Variants in PHF21A observed in about 807,000 individuals in gnomAD.
The protein encoded by PHF21A is BHC80a.
In PHF21A, 11 loss-of-function variants were observed where a neutral mutation model predicts 82.5. The observed-to-expected ratio is 0.13, with a 90% CI of 0.08 to 0.22. The LOEUF (loss-of-function observed/expected upper bound fraction) is 0.22, where lower values mean the gene tolerates loss of function less well. Ranked by LOEUF, PHF21A falls within the 10% of genes least tolerant of loss-of-function variation. PHF21A has a pLI of 1.00. For missense variants in PHF21A, 579 were observed against 837.8 expected, an observed-to-expected ratio of 0.69 and a Z score of 3.81; for synonymous variants, 297 against 302.8, an observed-to-expected ratio of 0.98 and a Z score of 0.20.
At chr11:45,986,110 G>A (rs200215482) in intron 6 of PHF21A, among the ~76,000 whole-genome samples, 1 of 10,764 alleles carries the variant, frequency 9.3e-5, no homozygotes, top group Non-Finnish European at 2.8e-4. Flanking sequence ...CACACACACA[G>A]AGGTATTTAC....
At chr11:45,973,762 C>T (rs1217543875) in intron 7 of PHF21A, among the ~76,000 whole-genome samples, 1 of 152,196 alleles carries the variant, frequency 6.6e-6, no homozygotes, top group Admixed American at 6.5e-5. Flanking sequence ...ATTTAAAGAA[C>T]TTCTGAAGTG....
chr11:45,956,762 A>C (rs1488390002), intron 10 of PHF21A, among the ~76,000 whole-genome samples: 1 of 152,178 alleles, frequency 6.6e-6, no homozygotes, highest in Non-Finnish European at 1.5e-5. Flanking sequence ...GAAATGAAGA[A>C]CAAAAAACGT....
chr11:46,030,952 T>C (rs1055553470), intron 6 of PHF21A, among the ~76,000 whole-genome samples: 2 of 152,006 alleles, frequency 1.3e-5, no homozygotes, highest in African/African-American at 4.8e-5. Flanking sequence ...GTAGCATCTA[T>C]CAATATTTGC....
At position 45,968,775 on chromosome 11, in the gene PHF21A, C is replaced by A. The variant is rs146235374; in HGVS notation, c.702+1040G>T. On this transcript the variant is annotated intron_variant, in intron 9 of 18. Coordinates refer to ENST00000676320, the MANE Select transcript of PHF21A (RefSeq NM_001352027.3). The stretch of plus-strand genomic sequence containing the variant: ...CAAAACCCCGTCTCTACTAAAAATA[C>A]AAAAATTAGCCGGGCGTGGTGGCAC... 1.3e-3 allele frequency among the ~76,000 whole-genome samples: 202 copies of A among 151,662 alleles called. 1 individual carries two copies. The highest frequency in any genetic ancestry group is 4.5e-3 in the African/African-American group (188 of 41,348).
At position 45,960,047 on chromosome 11, in the gene PHF21A, C is replaced by T. The variant is rs552923537; in HGVS notation, c.996+5268G>A. 3.3e-5 allele frequency among the ~76,000 whole-genome samples: 5 copies of T among 152,252 alleles called. No homozygotes were observed. The South Asian group carries it at 8.3e-4, about 25-fold the overall frequency. ...GAAAGTAATAGGTGTGGTAAGGATG[C>T]GGAGACAATGGAATGCTCATGTACT... On this transcript the variant is annotated intron_variant, in intron 10 of 18. Coordinates refer to ENST00000676320, the MANE Select transcript of PHF21A (RefSeq NM_001352027.3).
intron 12 of PHF21A, among the ~76,000 whole-genome samples, chr11:45,949,723 A>T (rs1465259478): frequency 1.3e-5 from 2 of 152,174 alleles, no homozygotes; most frequent in Non-Finnish European, 2.9e-5. Context: ...ACAATAGACA[A>T]CACTTGTAAA....
chr11:46,036,591 G>A (rs2096008990), intron 6 of PHF21A, among the ~76,000 whole-genome samples: 1 of 152,136 alleles, frequency 6.6e-6, no homozygotes. Flanking sequence ...ATGTCCCTAA[G>A]TAAAAGTAAA....
At chr11:46,074,178 AT>A (rs1329443553) in intron 6 of PHF21A, among the ~76,000 whole-genome samples, 1 of 152,090 alleles carries the variant, frequency 6.6e-6, no homozygotes, top group Admixed American at 6.5e-5. Context: ...AGAAGAGAAT[AT>A]ATGAGTCCAT....
chr11:46,096,421 C>T (rs1593169752), intron 1 of PHF21A, among the ~76,000 whole-genome samples: 2 of 152,258 alleles, frequency 1.3e-5, no homozygotes, highest in East Asian at 3.9e-4. Context: ...CTCTATTGAA[C>T]ACAACCCATT....
intron 9 of PHF21A, 27 bp from the exon 10 acceptor site, chr11:45,965,635 T>G (rs761967160): frequency 3.7e-5 from 56 of 1,502,508 alleles, no homozygotes; most frequent in Non-Finnish European, 4.6e-5. Context: ...GAATAATTAT[T>G]GTATTACTTA....
Position 45,936,552 on chromosome 11 carries a change from T to C in PHF21A, c.1626A>G (p.Glu542=). 6.2e-7 allele frequency: 1 copy of C among 1,612,266 alleles called. No individual in the cohort carries two copies. Among genetic ancestry groups the C allele is most frequent in the African/African-American group, 1.3e-5 (1 of 75,000 alleles). Residue 542 remains glutamate, a synonymous_variant, in exon 17 of 19, where the codon GAA becomes GAG. Transcript: ENST00000676320. ...CTAAAGTTCCAGGCCATGGAATTGC[T>C]TCTTCCTTCTTCAGCATCTGAAAAG... is the stretch of plus-strand genomic sequence containing the variant. The part of the protein sequence containing the change: ...RCQDQMLKKE[E]AIPWPGTLAI...
chr11:45,968,786 C>T (rs532792105), intron 9 of PHF21A, among the ~76,000 whole-genome samples: 49 of 152,004 alleles, frequency 3.2e-4, no homozygotes, highest in African/African-American at 1.0e-3. Flanking sequence ...AAAAATTAGC[C>T]GGGCGTGGTG....
intron 6 of PHF21A, among the ~76,000 whole-genome samples, chr11:46,015,628 G>GT (rs2095501509): frequency 6.6e-6 from 1 of 151,820 alleles, no homozygotes; most frequent in Non-Finnish European, 1.5e-5. Context: ...TTATCCTTAT[G>GT]TTTTAAGTTT....
At chr11:45,959,318 A>G (rs2092929537) in intron 10 of PHF21A, among the ~76,000 whole-genome samples, 2 of 152,242 alleles carry the variant, frequency 1.3e-5, no homozygotes, top group Non-Finnish European at 2.9e-5. Flanking sequence ...CATGTTGTAT[A>G]CCTTATACAT....
intron 9 of PHF21A, among the ~76,000 whole-genome samples, chr11:45,965,818 T>C (rs1198332945): frequency 1.3e-5 from 2 of 152,184 alleles, no homozygotes; most frequent in African/African-American, 2.4e-5. Flanking sequence ...ACATAGCTTT[T>C]GATTCTAAAC....
At chr11:46,107,780 A>T (rs1012294874) in intron 1 of PHF21A, among the ~76,000 whole-genome samples, 1 of 152,200 alleles carries the variant, frequency 6.6e-6, no homozygotes, top group Non-Finnish European at 1.5e-5. Context: ...TTTAATGTAG[A>T]TTATAAGGCC....
chr11:45,994,682 C>T (rs541017417), intron 6 of PHF21A, among the ~76,000 whole-genome samples: 11 of 152,326 alleles, frequency 7.2e-5, no homozygotes, highest in Admixed American at 2.0e-4. Context: ...TTTGCTGTTG[C>T]ATCATTCTGC....
At position 45,971,194 on chromosome 11, in the gene PHF21A, G is replaced by A. The variant is rs765347957; in HGVS notation, c.534C>T (p.Val178=). Residue 178 remains valine, a synonymous_variant, in exon 8 of 19, where the codon GTC becomes GTT. Transcript: ENST00000676320. ...VLSTDVQNTP[V]NLQTSSKVTG... ...TGACCTTACTAGACGTCTGGAGGTT[G>A]ACTGGTGTGTTCTGCACATCAGTGC... is the stretch of plus-strand genomic sequence containing the variant. The A allele has an allele frequency of 3.0e-5, 48 of 1,614,164 alleles. No individual in the cohort carries two copies. The South Asian group carries it at 4.7e-4, about 16-fold the overall frequency.
chr11:46,044,081 G>A (rs976026329), intron 6 of PHF21A, among the ~76,000 whole-genome samples: 2 of 152,126 alleles, frequency 1.3e-5, no homozygotes, highest in African/African-American at 4.8e-5. Flanking sequence ...CATTTGAGAA[G>A]ATGGTAAACT....
Sources: gnomAD v4.1 joint callset for allele counts (sites outside exome capture counted in the v4.1 genomes callset) on GRCh38, gnomAD v4.1.1 for gene constraint, MANE v1.5 for transcripts, NCBI Gene and HGNC (gene_info 2026-07-23, HGNC 2026-07-21) for gene names.